The following RBM4 variants were observed in gnomAD, a reference collection of about 807,000 sequenced individuals.
RBM4 encodes the protein RNA-binding protein 4.
RBM4 carries 7 observed loss-of-function variants against 29.5 expected under a neutral mutation model. That is an observed-to-expected ratio of 0.24 (90% CI 0.14 to 0.45). The LOEUF is 0.45. RBM4 is among the 20% of genes least tolerant of loss of function. The pLI is 1.00. For synonymous variants in RBM4, 220 were observed against 205.4 expected (o/e 1.07, Z -0.61); for missense variants, 387 against 502.3 (o/e 0.77, Z 2.19).
At position 66,643,337 on chromosome 11, in the gene RBM4, AGTCCTGCATTAG is replaced by A; in HGVS notation, c.413-112_413-101del. ...TCCTTTTTATCTTTTCCTAAAGATG[AGTCCTGCATTAG>A]AATTGTCTAGATAAAGCCATTGCTA... On this transcript the variant is annotated intron_variant, in intron 2 of 3. Transcript: ENST00000310092. The surrounding 1 kb of genome is among the most constrained non-coding windows in gnomAD (Gnocchi z 6.1). 3 of 1,274,424 alleles carry A rather than the reference AGTCCTGCATTAG, an allele frequency of 2.4e-6. No homozygotes were observed. The highest frequency in any genetic ancestry group is 3.2e-6 in the Non-Finnish European group (3 of 947,942). The allele number at this position is 1,274,424 out of a possible 1,614,324, so 78.9% of individuals were successfully genotyped here.
At chr11:66,661,134 T>C (rs568267348) in intron 2 of RBM4, among the ~76,000 whole-genome samples, 1 of 152,338 alleles carries the variant, frequency 6.6e-6, no homozygotes, top group East Asian at 1.9e-4. Context: ...TCGTCAGATT[T>C]TTCATTCTTC....
Position 66,665,670 on chromosome 11 carries a change from G to A in RBM4, c.413-186G>A, listed in dbSNP as rs1939199013. On this transcript the variant is annotated intron_variant, in intron 2 of 2. Transcript: ENST00000396053. ...CGCCCTGGGTCCTGTCCTGTATTCCGGGGGGAAAAAAAAGAACAAAACAAA... is the reference window on the plus strand; with the variant it reads ...CGCCCTGGGTCCTGTCCTGTATTCCAGGGGGAAAAAAAAGAACAAAACAAA... 11 of 1,496,546 alleles carry A rather than the reference G, an allele frequency of 7.4e-6. No individual in the cohort carries two copies. In the East Asian group the frequency reaches 7.4e-5, roughly 10 times the overall value. 92.7% of individuals were successfully genotyped at this position (1,496,546 alleles called of 1,614,324 possible).
At chr11:66,650,238 G>C (rs994656261), downstream of RBM4, among the ~76,000 whole-genome samples, 1 of 152,162 alleles carries the variant, frequency 6.6e-6, no homozygotes, top group Non-Finnish European at 1.5e-5. Context: ...GGGTGATCTT[G>C]GAATTTAACT....
rs1938685868 is a variant in RBM4, at chr11:66,646,199, C to T, written c.*181C>T. ...TTCTCTTCCTTTCCTTTCCTTTCCT[C>T]TCCTGCCCATTTTCCTGTTCTTCTG... On this transcript the variant is annotated 3_prime_UTR_variant, in exon 4 of 4. Coordinates refer to ENST00000310092, the MANE Select transcript of RBM4 (RefSeq NM_002896.4). The T allele has an allele frequency of 6.8e-7, 1 of 1,467,936 alleles. No individual in the cohort carries two copies. The highest frequency in any genetic ancestry group is 1.4e-5 in the South Asian group (1 of 73,524). 90.9% of individuals were successfully genotyped at this position (1,467,936 alleles called of 1,614,324 possible). A position where few individuals can be genotyped will look rare whatever the true frequency, so the allele number is the denominator to read the frequency against.
intron 3 of RBM4, among the ~76,000 whole-genome samples, chr11:66,645,240 C>T (rs1215924870): frequency 1.3e-5 from 2 of 152,184 alleles, no homozygotes; most frequent in Non-Finnish European, 2.9e-5. Flanking sequence ...TACTTGCCAG[C>T]TTTGGGCTCT....
At position 66,659,263 on chromosome 11, in the gene RBM4, CTTTTTTTTTTT is replaced by C. The variant is rs767959263; in HGVS notation, c.413-6578_413-6568del. Among the ~76,000 whole-genome samples the C allele has an allele frequency of 4.2e-4, 28 of 67,338 alleles. 1 individual carries two copies. The East Asian group carries it at 9.1e-3, about 22-fold the overall frequency. 44.2% of individuals were successfully genotyped at this position (67,338 alleles called of 152,430 possible). ...ACCTAGCTGACATTTCTTCTTGGTT[CTTTTTTTTTTT>C]TTTTTTTTTTTTTTGAGATGGAGTC... On this transcript the variant is annotated intron_variant, in intron 2 of 2. Transcript: ENST00000396053.
At chr11:66,659,661 TCTTC>T (rs556265752) in intron 2 of RBM4, among the ~76,000 whole-genome samples, 44 of 152,292 alleles carry the variant, frequency 2.9e-4, no homozygotes, top group Admixed American at 2.6e-3. Context: ...TCTCCTTCAG[TCTTC>T]CTTATCCCAT....
chr11:66,661,034 G>A (rs938793078), intron 2 of RBM4, among the ~76,000 whole-genome samples: 1 of 152,162 alleles, frequency 6.6e-6, no homozygotes, highest in Non-Finnish European at 1.5e-5. Flanking sequence ...GGGTTCTTGT[G>A]GATTTGCAGG....
At chr11:66,665,493 A>C in intron 2 of RBM4, 1 of 1,009,078 alleles carries the variant, frequency 9.9e-7, no homozygotes, top group Non-Finnish European at 1.5e-6. Flanking sequence ...ACATGAAGCA[A>C]TGGAAACATC....
chr11:66,641,771 A>G (rs928646112), intron 2 of RBM4, among the ~76,000 whole-genome samples: 6 of 152,224 alleles, frequency 3.9e-5, no homozygotes, highest in Non-Finnish European at 8.8e-5. Context: ...GTAGAATTAT[A>G]GATGTATATT....
In RBM4 at chr11:66,639,916, G is replaced by T; in HGVS notation, c.205G>T (p.Ala69Ser). 6.2e-7 allele frequency: 1 copy of T among 1,614,206 alleles called. No individual in the cohort carries two copies. Among genetic ancestry groups the T allele is most frequent in the Non-Finnish European group, 8.5e-7 (1 of 1,180,042 alleles). ...KLHGVNINVE[A>S]SKNKSKTSTK... ...TCATGGGGTGAACATCAACGTGGAA[G>T]CCAGCAAGAATAAGAGCAAAACCTC... The change falls in exon 2 of 4, where the codon GCC becomes TCC. Residue 69 changes from alanine (A) to serine (S), a missense_variant. Coordinates refer to ENST00000310092, the MANE Select transcript of RBM4 (RefSeq NM_002896.4).
chr11:66,658,876 C>A (rs887705815), intron 2 of RBM4, among the ~76,000 whole-genome samples: 9 of 150,414 alleles, frequency 6.0e-5, no homozygotes, highest in Non-Finnish European at 1.3e-4. Flanking sequence ...GGCGGAGGTT[C>A]TATTGAGCCA....
chr11:66,643,975 G>A lies in RBM4; in HGVS notation c.938G>A (p.Arg313His). Residue 313 changes from arginine to histidine, a missense_variant, in exon 3 of 4, where the codon CGC (arginine) becomes CAC (histidine). By Grantham distance (29) the Arg-to-His change is conservative. Coordinates refer to ENST00000310092, the MANE Select transcript of RBM4 (RefSeq NM_002896.4). The surrounding 1 kb of genome is among the most constrained non-coding windows in gnomAD (Gnocchi z 6.1). The stretch of plus-strand genomic sequence containing the variant: ...GGGCGGGATCGGAGCCCCCTGCGTC[G>A]CGCTACAGCCCCAGTCCCCACTGTT... ...YYGRDRSPLR[R>H]ATAPVPTVGE... 1.9e-6 allele frequency: 3 copies of A among 1,613,084 alleles called. No homozygotes were observed. Among genetic ancestry groups the A allele is most frequent in the Non-Finnish European group, 2.5e-6 (3 of 1,180,014 alleles).
chr11:66,641,506 C>T (rs1336580049), intron 2 of RBM4, among the ~76,000 whole-genome samples: 1 of 152,128 alleles, frequency 6.6e-6, no homozygotes, highest in East Asian at 1.9e-4. Context: ...GCAAAGGTTG[C>T]TCTTGTGGAG....
At chr11:66,656,408 G>C (rs1938950075) in intron 2 of RBM4, among the ~76,000 whole-genome samples, 1 of 152,040 alleles carries the variant, frequency 6.6e-6, no homozygotes, top group African/African-American at 2.4e-5. Flanking sequence ...CCAAAGTGCT[G>C]GGATTACAGG....
chr11:66,640,251 G>A, intron 2 of RBM4, 128 bp downstream of exon 2: 1 of 1,252,574 alleles, frequency 8.0e-7, no homozygotes, highest in Non-Finnish European at 1.1e-6. Flanking sequence ...AATAAGTGTG[G>A]GTGATGGACT....
intron 2 of RBM4, among the ~76,000 whole-genome samples, chr11:66,654,262 C>T (rs1240951100): frequency 1.3e-5 from 2 of 151,640 alleles, no homozygotes; most frequent in Non-Finnish European, 2.9e-5. Flanking sequence ...GAGGCTGAGG[C>T]GGGCGGATCA....
intron 2 of RBM4, among the ~76,000 whole-genome samples, chr11:66,663,854 C>T (rs1396320388): frequency 1.3e-5 from 2 of 152,086 alleles, no homozygotes; most frequent in Admixed American, 1.3e-4. Flanking sequence ...TTACTCCTAG[C>T]ACTACTAATC....
chr11:66,639,243 C>G, intron 1 of RBM4: 1 of 161,870 alleles, frequency 6.2e-6, no homozygotes, highest in South Asian at 1.6e-4. Flanking sequence ...AAAGGAAACT[C>G]AAATGTAGCT....
Sources: gnomAD v4.1 joint callset for allele counts (sites outside exome capture counted in the v4.1 genomes callset) on GRCh38, gnomAD v4.1.1 for gene constraint, Gnocchi (gnomAD v3.1) non-coding constraint, MANE v1.5 for transcripts, NCBI Gene and HGNC (gene_info 2026-07-23, HGNC 2026-07-21) for gene names.